Variants in FAM177A1 observed in about 807,000 individuals in gnomAD.
The protein encoded by FAM177A1 is protein FAM177A1.
A neutral mutation model predicts 26.1 loss-of-function variants in FAM177A1; 22 were observed. The observed-to-expected ratio is 0.84, with a 90% CI of 0.60 to 1.20. The LOEUF (loss-of-function observed/expected upper bound fraction) is 1.20, where lower values mean the gene tolerates loss of function less well. Ranked by LOEUF, FAM177A1 falls within the 50% of genes most tolerant of loss-of-function variation. The pLI, the probability that FAM177A1 is intolerant of heterozygous loss-of-function variation, is 0.00. For synonymous variants in FAM177A1, 95 were observed against 99.3 expected (o/e 0.96, Z 0.26); for missense variants, 296 against 291.1 (o/e 1.02, Z -0.12).
intron 1 of FAM177A1, among the ~76,000 whole-genome samples, chr14:35,051,499 A>G (rs765552909): frequency 6.6e-6 from 1 of 151,840 alleles, no homozygotes; most frequent in Non-Finnish European, 1.5e-5. Flanking sequence ...TGCAACATCC[A>G]CCTCCTGGGT....
Position 35,081,365 on chromosome 14 carries a change from T to G in FAM177A1, c.*137T>G. The G allele has an allele frequency of 1.1e-6, 1 of 915,566 alleles. No individual in the cohort carries two copies. The highest frequency in any genetic ancestry group is 2.9e-5 in the East Asian group (1 of 34,494). 56.7% of individuals were successfully genotyped at this position (915,566 alleles called of 1,614,324 possible). On this transcript the variant is annotated 3_prime_UTR_variant, in exon 5 of 5. Transcript: ENST00000280987. ...AAAGTATCTGGAAAGGGAAAATGTT[T>G]TCTTCATTTTTAGGATCTATCTAGC...
At chr14:35,056,775 GTTCC>G (rs1172349172) in intron 2 of FAM177A1, among the ~76,000 whole-genome samples, 1 of 152,118 alleles carries the variant, frequency 6.6e-6, no homozygotes, top group Non-Finnish European at 1.5e-5. Context: ...TATTAAGATT[GTTCC>G]TTTTTGAGTC....
At chr14:35,076,488 T>C (rs2045398623) in intron 2 of FAM177A1, among the ~76,000 whole-genome samples, 3 of 151,998 alleles carry the variant, frequency 2.0e-5, no homozygotes, top group Admixed American at 2.0e-4. Flanking sequence ...ATATACCTAA[T>C]GTAAATGACG....
rs1200493313 is a variant in FAM177A1, at chr14:35,081,556, AAAGGT to A, written c.*332_*336del. On this transcript the variant is annotated 3_prime_UTR_variant, in exon 5 of 5. Coordinates refer to ENST00000280987, the MANE Select transcript of FAM177A1 (RefSeq NM_173607.5). ...TATTTGTGCATTTGCTTTTTTTGAA[AAAGGT>A]AAGTTGCTGATTAAGTCTAATTGGA... The A allele has an allele frequency of 3.5e-5, 6 of 171,824 alleles. No individual in the cohort carries two copies. The highest frequency in any genetic ancestry group is 7.4e-5 in the Non-Finnish European group (6 of 81,182). 10.6% of individuals were successfully genotyped at this position (171,824 alleles called of 1,614,324 possible).
In FAM177A1 at chr14:35,064,599, C is replaced by T. The variant is rs562478581; in HGVS notation, c.339+11148C>T. Among the ~76,000 whole-genome samples the T allele has an allele frequency of 2.0e-4, 30 of 151,914 alleles. No individual in the cohort carries two copies. The South Asian group carries it at 3.9e-3, about 20-fold the overall frequency. Reference sequence around the variant, plus strand: ...GACTATACATGTTGACTAAATTAACCGAGATAGAATAATAATTACTTAAGT... The same window carrying T: ...GACTATACATGTTGACTAAATTAACTGAGATAGAATAATAATTACTTAAGT... On this transcript the variant is annotated intron_variant, in intron 2 of 4. Transcript: ENST00000280987.
rs753462147 is a variant in FAM177A1 at position 35,053,346 on chromosome 14, G to A, written c.234G>A (p.Arg78=). The A allele has an allele frequency of 2.5e-6, 4 of 1,614,118 alleles. No individual in the cohort carries two copies. The South Asian group carries it at 4.4e-5, about 18-fold the overall frequency. The change falls in exon 2 of 5, where the codon AGG becomes AGA. Residue 78 remains arginine, a synonymous_variant. Coordinates refer to ENST00000280987, the MANE Select transcript of FAM177A1 (RefSeq NM_173607.5). The stretch of plus-strand genomic sequence containing the variant: ...TAGGAAAAAAGAAGAAAGTCCCAAG[G>A]AGAGTCATCCACTTTGTTAGTGGTG... The part of the protein sequence containing the change: ...GVIGKKKKVP[R]RVIHFVSGET...
chr14:35,048,314 A>G (rs2044907442), intron 1 of FAM177A1, among the ~76,000 whole-genome samples: 2 of 152,186 alleles, frequency 1.3e-5, no homozygotes, highest in African/African-American at 4.8e-5. Flanking sequence ...ACGTGTACTT[A>G]TATACCAGCT....
chr14:35,074,706 T>C (rs2045369422), intron 2 of FAM177A1, among the ~76,000 whole-genome samples: 3 of 152,050 alleles, frequency 2.0e-5, no homozygotes, highest in South Asian at 2.1e-4. Context: ...AAGAAGATTA[T>C]GGACAAGTTT....
rs1330658596 is a variant in FAM177A1, at chr14:35,082,651, GTT to G, written c.*1425_*1426del. On this transcript the variant is annotated 3_prime_UTR_variant, in exon 5 of 5. Transcript: ENST00000280987. Reference sequence around the variant, plus strand: ...GTGGGTGAGGAAGAATGTGTGGAGTGTTTCAGAAATTTTGATCTTAAAAGCCT... The same window carrying G: ...GTGGGTGAGGAAGAATGTGTGGAGTGTCAGAAATTTTGATCTTAAAAGCCT... The G allele has an allele frequency of 6.6e-6, 1 of 152,134 alleles. No homozygotes were observed. Among genetic ancestry groups the G allele is most frequent in the Non-Finnish European group, 1.5e-5 (1 of 68,028 alleles). 9.4% of individuals were successfully genotyped at this position (152,134 alleles called of 1,614,324 possible).
At chr14:35,070,206 T>C (rs1277263429) in intron 2 of FAM177A1, among the ~76,000 whole-genome samples, 1 of 150,208 alleles carries the variant, frequency 6.7e-6, no homozygotes, top group Non-Finnish European at 1.5e-5. Context: ...CAATTTTACC[T>C]TAGATGTACC....
chr14:35,065,110 C>T (rs977236147), intron 2 of FAM177A1, among the ~76,000 whole-genome samples: 3 of 151,766 alleles, frequency 2.0e-5, no homozygotes, highest in Non-Finnish European at 4.4e-5. Flanking sequence ...TGTAGAATTA[C>T]ATTCATAAAG....
chr14:35,053,118 T>C, intron 1 of FAM177A1, 160 bp from the exon 2 acceptor site: 4 of 632,958 alleles, frequency 6.3e-6, no homozygotes, highest in Non-Finnish European at 1.1e-5. Context: ...GACACTGTAC[T>C]CCAGCCTGAG....
chr14:35,047,966 C>T (rs1398640483), intron 1 of FAM177A1, among the ~76,000 whole-genome samples: 1 of 152,060 alleles, frequency 6.6e-6, no homozygotes, highest in Non-Finnish European at 1.5e-5. Context: ...TTAACAAAAG[C>T]TTATCCAGCC....
chr14:35,047,618 G>A (rs1183193145), intron 1 of FAM177A1, among the ~76,000 whole-genome samples: 2 of 152,062 alleles, frequency 1.3e-5, no homozygotes, highest in East Asian at 1.9e-4. Context: ...GCGTGGTGGC[G>A]CTCGCCTGTA....
chr14:35,065,357 CTTT>C (rs1181451849), intron 2 of FAM177A1, among the ~76,000 whole-genome samples: 7 of 91,884 alleles, frequency 7.6e-5, no homozygotes, highest in Non-Finnish European at 1.1e-4. Context: ...TCCATTGAAT[CTTT>C]TTTTTTTTTT....
chr14:35,070,360 C>T (rs1214896325), intron 2 of FAM177A1, among the ~76,000 whole-genome samples: 5 of 151,202 alleles, frequency 3.3e-5, no homozygotes, highest in African/African-American at 4.9e-5. Flanking sequence ...GTCGGAGTCT[C>T]GCTCTGTCGT....
At chr14:35,046,883 A>C in intron 1 of FAM177A1, 1 of 1,302,720 alleles carries the variant, frequency 7.7e-7, no homozygotes, top group Non-Finnish European at 9.8e-7. Flanking sequence ...GTGATAGTCC[A>C]GCTTCTGGTC....
upstream of FAM177A1, among the ~76,000 whole-genome samples, chr14:35,045,509 G>A (rs912896284): frequency 1.3e-5 from 2 of 152,182 alleles, no homozygotes; most frequent in Admixed American, 6.5e-5. Flanking sequence ...ATTGAGACTA[G>A]TATGAAAATG....
At chr14:35,063,135 T>TG (rs2045185263) in intron 2 of FAM177A1, among the ~76,000 whole-genome samples, 1 of 126,700 alleles carries the variant, frequency 7.9e-6, no homozygotes. Flanking sequence ...CACTCCAGCC[T>TG]GGCAACAGAG....
Sources: gnomAD v4.1 joint callset for allele counts (sites outside exome capture counted in the v4.1 genomes callset) on GRCh38, gnomAD v4.1.1 for gene constraint, MANE v1.5 for transcripts, NCBI Gene and HGNC (gene_info 2026-07-23, HGNC 2026-07-21) for gene names.